Variants in C7 observed in about 807,000 individuals in gnomAD.
C7 encodes the protein complement component C7.
In C7, 83 loss-of-function variants were observed where a neutral mutation model predicts 104.8. The ratio of observed to expected loss-of-function variants is 0.79; its 90% CI spans 0.66 to 0.95. The LOEUF is 0.95. Ranked by LOEUF, C7 falls within the 40% of genes least tolerant of loss-of-function variation. The probability of loss-of-function intolerance (pLI) is 0.00; values close to 1 mark genes in which losing one functional copy is unlikely to be tolerated. For synonymous variants in C7, 415 were observed against 360.6 expected (o/e 1.15, Z -1.71); for missense variants, 1,070 against 1,011.2 (o/e 1.06, Z -0.79).
chr5:40,940,675 A>C (rs1739916588), intron 6 of C7, among the ~76,000 whole-genome samples: 1 of 152,232 alleles, frequency 6.6e-6, no homozygotes, highest in African/African-American at 2.4e-5. Context: ...GAATAATTTA[A>C]ATGATGGTTA....
chr5:40,947,045 A>G (rs1403334074), intron 7 of C7, among the ~76,000 whole-genome samples: 2 of 150,536 alleles, frequency 1.3e-5, no homozygotes, highest in African/African-American at 4.9e-5. Flanking sequence ...AAGGGTCCTC[A>G]CTATCTGTCC....
Position 40,958,172 on chromosome 5 carries a change from C to T in C7, c.1400C>T (p.Thr467Ile). 1.2e-6 allele frequency: 2 copies of T among 1,613,768 alleles called. No homozygotes were observed. The highest frequency in any genetic ancestry group is 1.7e-6 in the Non-Finnish European group (2 of 1,179,756). Reference sequence around the variant, plus strand: ...CCTTGTCAAAATGGTGGTTTGGCTACTGTTGAGGGGACCCATTGTCTGTGC... The same window carrying T: ...CCTTGTCAAAATGGTGGTTTGGCTATTGTTGAGGGGACCCATTGTCTGTGC... Reference protein sequence around the residue: ...CRPCQNGGLATVEGTHCLCHC... With the variant: ...CRPCQNGGLAIVEGTHCLCHC... Residue 467 changes from threonine to isoleucine, a missense_variant, in exon 11 of 18, where the codon ACT becomes ATT. Thr to Ile is a moderately conservative substitution (Grantham distance 89). Coordinates refer to ENST00000313164, the MANE Select transcript of C7 (RefSeq NM_000587.4).
In C7 at chr5:40,979,811, A is replaced by AG; in HGVS notation, c.2255dup (p.Arg753Ter). 1 of 1,613,724 alleles carries AG rather than the reference A, an allele frequency of 6.2e-7. No homozygotes were observed. Among genetic ancestry groups the AG allele is most frequent in the Non-Finnish European group, 8.5e-7 (1 of 1,179,680 alleles). ...TGCAAGATGCATGTTCTCCACTGTC[A>AG]GGGTAGAAATTACACCCTTACTGGT... On this transcript the variant is annotated frameshift_variant, in exon 17 of 18. Transcript: ENST00000313164. LOFTEE classifies it high-confidence loss of function.
intron 14 of C7, 31 bp downstream of exon 14, chr5:40,964,904 A>T: frequency 1.9e-6 from 3 of 1,610,422 alleles, no homozygotes; most frequent in Non-Finnish European, 2.5e-6. Context: ...ATAATTTAAG[A>T]TGAGAAAATT....
At chr5:40,918,092 A>T (rs1050998465) in intron 1 of C7, among the ~76,000 whole-genome samples, 8 of 152,210 alleles carry the variant, frequency 5.3e-5, no homozygotes, top group African/African-American at 1.9e-4. Flanking sequence ...GTATTCAAAG[A>T]ATACCACTAT....
At chr5:40,973,940 A>G (rs1242410080) in intron 15 of C7, among the ~76,000 whole-genome samples, 2 of 152,250 alleles carry the variant, frequency 1.3e-5, no homozygotes, top group Non-Finnish European at 2.9e-5. Flanking sequence ...GAAGATGTGA[A>G]TAACAGTAAC....
Position 40,932,012 on chromosome 5 carries a change from C to A in C7, c.138+873C>A, listed in dbSNP as rs577445686. Among the ~76,000 whole-genome samples the A allele has an allele frequency of 3.3e-5, 5 of 152,288 alleles. No homozygotes were observed. In the South Asian group the frequency reaches 1.0e-3, roughly 32 times the overall value. ...TGATCTCGTGATCCACCTGCCTCGGCCTTCCAAAGTGCTGGGATTACAGGT... is the reference window on the plus strand; with the variant it reads ...TGATCTCGTGATCCACCTGCCTCGGACTTCCAAAGTGCTGGGATTACAGGT... On this transcript the variant is annotated intron_variant, in intron 3 of 17. Transcript: ENST00000313164.
In C7 at chr5:40,976,741, C is replaced by CT. The variant is rs757960861; in HGVS notation, c.2075-3dup. ...TCCTAACGACCACATCTCCCTTATCCTTTTTTAGAAAATCCGTTAACACAG... is the reference window on the plus strand; with the variant it reads ...TCCTAACGACCACATCTCCCTTATCCTTTTTTTAGAAAATCCGTTAACACAG... On this transcript the variant is annotated splice_polypyrimidine_tract_variant and intron_variant, in intron 15 of 17. Coordinates refer to ENST00000313164, the MANE Select transcript of C7 (RefSeq NM_000587.4). 1.3e-5 allele frequency: 20 copies of CT among 1,579,694 alleles called. No homozygotes were observed. The highest frequency in any genetic ancestry group is 1.7e-5 in the Non-Finnish European group (20 of 1,160,856).
intron 1 of C7, among the ~76,000 whole-genome samples, chr5:40,911,386 C>T (rs1739204551): frequency 1.3e-5 from 2 of 152,202 alleles, no homozygotes; most frequent in African/African-American, 4.8e-5. Flanking sequence ...CTTTGGTTCT[C>T]TCTGTGTTCT....
intron 16 of C7, among the ~76,000 whole-genome samples, chr5:40,979,103 C>T (rs1287061116): frequency 3.3e-5 from 5 of 152,004 alleles, no homozygotes; most frequent in African/African-American, 7.2e-5. Flanking sequence ...TGGTCTTGAA[C>T]TCCTGACCTC....
At chr5:40,971,047 CGTGTG>C in intron 14 of C7, among the ~76,000 whole-genome samples, 1 of 152,172 alleles carries the variant, frequency 6.6e-6, no homozygotes, top group South Asian at 2.1e-4. Flanking sequence ...AATAAACATA[CGTGTG>C]CATGTGTCTT....
intron 1 of C7, among the ~76,000 whole-genome samples, chr5:40,921,060 A>C (rs1739428475): frequency 7.0e-6 from 1 of 142,350 alleles, no homozygotes; most frequent in South Asian, 2.3e-4. Context: ...AAAAAAAAAA[A>C]AAAATGAAAG....
In C7 at chr5:40,958,264, C is replaced by A; in HGVS notation, c.1489+3C>A. 2 of 1,578,438 alleles carry A rather than the reference C, an allele frequency of 1.3e-6. No individual in the cohort carries two copies. The highest frequency in any genetic ancestry group is 8.6e-7 in the Non-Finnish European group (1 of 1,160,270). ...AGTCCTCGTAGGGAATCAAGCAGGT[C>A]AGTGGGGTGAATTTTCTCTAGCCAC... On this transcript the variant is annotated splice_donor_region_variant and intron_variant, in intron 11 of 17. Transcript: ENST00000313164.
intron 8 of C7, among the ~76,000 whole-genome samples, chr5:40,948,641 T>C (rs1234323571): frequency 3.3e-5 from 5 of 152,188 alleles, no homozygotes; most frequent in Admixed American, 6.6e-5. Flanking sequence ...TGTCTAGATA[T>C]GGGCAGGGAT....
At chr5:40,972,227 C>T (rs948378215) in intron 14 of C7, among the ~76,000 whole-genome samples, 176 bp from the exon 15 acceptor site, 13 of 152,224 alleles carry the variant, frequency 8.5e-5, no homozygotes, top group African/African-American at 1.7e-4. Context: ...GGGTCAATTA[C>T]GTGCCAGGCT....
At chr5:40,915,123 A>G (rs1430253438) in intron 1 of C7, among the ~76,000 whole-genome samples, 1 of 152,238 alleles carries the variant, frequency 6.6e-6, no homozygotes, top group African/African-American at 2.4e-5. Flanking sequence ...TACAGTGGCT[A>G]CAGAGTAGTA....
At chr5:40,909,974 A>ATTTTTTTTTTTT (rs1259880340) in intron 1 of C7, among the ~76,000 whole-genome samples, 8 of 124,662 alleles carry the variant, frequency 6.4e-5, no homozygotes, top group African/African-American at 1.8e-4. Flanking sequence ...CCTCTGGTGT[A>ATTTTTTTTTTTT]TTTTTTTTTT....
intron 3 of C7, among the ~76,000 whole-genome samples, chr5:40,933,257 A>G (rs1196819905): frequency 2.0e-5 from 3 of 152,048 alleles, no homozygotes; most frequent in African/African-American, 7.3e-5. Context: ...TTCTAACCCA[A>G]TTTAGGATGG....
chr5:40,958,268 G>T lies in C7; in HGVS notation c.1489+7G>T. Reference sequence around the variant, plus strand: ...CTCGTAGGGAATCAAGCAGGTCAGTGGGGTGAATTTTCTCTAGCCACCCTG... The same window carrying T: ...CTCGTAGGGAATCAAGCAGGTCAGTTGGGTGAATTTTCTCTAGCCACCCTG... On this transcript the variant is annotated splice_region_variant and intron_variant, in intron 11 of 17. Coordinates refer to ENST00000313164, the MANE Select transcript of C7 (RefSeq NM_000587.4). 6.4e-7 allele frequency: 1 copy of T among 1,573,354 alleles called. No homozygotes were observed. Among genetic ancestry groups the T allele is most frequent in the Middle Eastern group, 1.7e-4 (1 of 5,830 alleles).
Sources: allele counts gnomAD v4.1 joint callset (sites outside exome capture counted in the v4.1 genomes callset), GRCh38; gene constraint gnomAD v4.1.1; transcripts MANE v1.5; gene names NCBI Gene and HGNC (gene_info 2026-07-23, HGNC 2026-07-21).